COMMD6: variants seen among roughly 807,000 people sequenced by gnomAD.
COMMD6 encodes COMM domain containing 6.
COMMD6 carries 11 observed loss-of-function variants against 13.4 expected under a neutral mutation model. That is an observed-to-expected ratio of 0.82 (90% CI 0.52 to 1.36). The LOEUF (loss-of-function observed/expected upper bound fraction) is 1.36. Among genes scored for constraint, COMMD6 ranks in the 40% most tolerant of loss-of-function variants. The pLI is 0.00. For synonymous variants in COMMD6, 43 were observed against 36.5 expected (o/e 1.18, Z -0.64); for missense variants, 124 against 102.4 (o/e 1.21, Z -0.91).
intron 2 of COMMD6, among the ~76,000 whole-genome samples, chr13:75,535,284 G>A (rs2030625968): frequency 6.6e-6 from 1 of 152,230 alleles, no homozygotes; most frequent in Non-Finnish European, 1.5e-5. Context: ...GAAGGGCCCT[G>A]TAGGCCACAG....
At chr13:75,527,795 T>TA (rs1458497340) in intron 3 of COMMD6, 1 of 1,478,162 alleles carries the variant, frequency 6.8e-7, no homozygotes, top group Admixed American at 2.2e-5. Flanking sequence ...ATGTGGAATC[T>TA]AAAAAAGTCA....
At chr13:75,543,236 T>A (rs746268392), upstream of COMMD6, among the ~76,000 whole-genome samples, 9 of 152,196 alleles carry the variant, frequency 5.9e-5, no homozygotes, top group Non-Finnish European at 1.2e-4. Context: ...CTATGCTCAT[T>A]ACCTGGGTGT....
intron 1 of COMMD6, among the ~76,000 whole-genome samples, chr13:75,548,328 T>G (rs543804731): frequency 6.6e-6 from 1 of 152,290 alleles, no homozygotes; most frequent in South Asian, 2.1e-4. Flanking sequence ...GGAGTTAAGG[T>G]AATGAAATAC....
At chr13:75,540,360 A>ACC (rs1255366681), upstream of COMMD6, among the ~76,000 whole-genome samples, 1 of 151,712 alleles carries the variant, frequency 6.6e-6, no homozygotes, top group African/African-American at 2.4e-5. Flanking sequence ...ACACACACAC[A>ACC]CACACACACA....
chr13:75,527,865 G>A (rs2030318037), intron 3 of COMMD6: 2 of 1,499,280 alleles, frequency 1.3e-6, no homozygotes, highest in Non-Finnish European at 1.8e-6. Context: ...GGGGTCAATG[G>A]GGAAATGTTA....
chr13:75,538,537 A>T (rs893227295), upstream of COMMD6, among the ~76,000 whole-genome samples: 2 of 152,194 alleles, frequency 1.3e-5, no homozygotes, highest in African/African-American at 4.8e-5. Flanking sequence ...CGCATTGTAC[A>T]TATTTGCTTT....
At chr13:75,537,616 G>T in intron 2 of COMMD6, 48 bp downstream of exon 2, 1 of 1,613,244 alleles carries the variant, frequency 6.2e-7, no homozygotes, top group Non-Finnish European at 8.5e-7. Flanking sequence ...CCTCGCGGCC[G>T]TGGGAGGCAG....
chr13:75,538,102 C>T (rs2030748087), upstream of COMMD6, among the ~76,000 whole-genome samples: 1 of 152,244 alleles, frequency 6.6e-6, no homozygotes. Flanking sequence ...GACACGTGGG[C>T]TCTTCCAGAC....
chr13:75,547,986 AT>A (rs2030935678), intron 1 of COMMD6, among the ~76,000 whole-genome samples: 1 of 152,222 alleles, frequency 6.6e-6, no homozygotes, highest in Non-Finnish European at 1.5e-5. Flanking sequence ...CCCTGCTGGG[AT>A]GCAAACTGTC....
Position 75,530,238 on chromosome 13 carries a change from A to G in COMMD6, c.83T>C (p.Met28Thr). The change falls in exon 3 of 4, where the codon ATG becomes ACG. Residue 28 changes from methionine to threonine, a missense_variant. By Grantham distance (81) the Met-to-Thr change is moderately conservative (BLOSUM62 -1). Transcript: ENST00000682242. ...QLVDFQWKLG[M>T]AVSSDTCRSL... ...TCTGCAAGTGTCTGAGCTCACAGCC[A>G]TACCCAGTTTCCACTGAAAATCTAC... 6.2e-7 allele frequency: 1 copy of G among 1,612,540 alleles called. No individual in the cohort carries two copies. The highest frequency in any genetic ancestry group is 1.1e-5 in the South Asian group (1 of 90,592).
intron 2 of COMMD6, 111 bp from the exon 3 acceptor site, chr13:75,530,377 T>C: frequency 1.4e-6 from 1 of 725,280 alleles, no homozygotes; most frequent in Non-Finnish European, 2.2e-6. Context: ...ACGCTGGTCA[T>C]ATTTACATAA....
chr13:75,526,379 A>C lies in COMMD6; in HGVS notation c.*210T>G, dbSNP rs1457170761. 3 of 479,006 alleles carry C rather than the reference A, an allele frequency of 6.3e-6. No homozygotes were observed. Among genetic ancestry groups the C allele is most frequent in the Non-Finnish European group, 1.1e-5 (3 of 269,540 alleles). 29.7% of individuals were successfully genotyped at this position (479,006 alleles called of 1,614,324 possible). A position where few individuals can be genotyped will look rare whatever the true frequency, so the allele number is the denominator to read the frequency against. On this transcript the variant is annotated 3_prime_UTR_variant, in exon 4 of 4. Coordinates refer to ENST00000682242, the MANE Select transcript of COMMD6 (RefSeq NM_203495.4). ...ACCAAGTATATCCTCTAAAGTGTCT[A>C]ATTATCACTTTTATAAAGCACATTC...
Position 75,526,526 on chromosome 13 carries a change from G to A in COMMD6, c.*63C>T, listed in dbSNP as rs1593951990. ...AAATGTTCCATCCTTATTTAGTTTT[G>A]TTGCCGAAAGTGAAGTCCATGACTT... On this transcript the variant is annotated 3_prime_UTR_variant, in exon 4 of 4. Transcript: ENST00000682242. The A allele has an allele frequency of 1.8e-6, 2 of 1,097,234 alleles. No individual in the cohort carries two copies. Among genetic ancestry groups the A allele is most frequent in the East Asian group, 2.5e-5 (1 of 39,234 alleles). 68.0% of individuals were successfully genotyped at this position (1,097,234 alleles called of 1,614,324 possible).
upstream of COMMD6, among the ~76,000 whole-genome samples, chr13:75,542,290 C>CTTTTTTTTTTTTTTTTTTTTTCT (rs59815923): frequency 7.2e-6 from 1 of 138,114 alleles, no homozygotes; most frequent in African/African-American, 2.6e-5. Context: ...TCTTTCTTTC[C>CTTTTTTTTTTTTTTTTTTTTTCT]TTTTTTTTTT....
In COMMD6 at chr13:75,537,794, G is replaced by C; in HGVS notation, c.12C>G (p.Ser4=). ...ACTTAGCATCCAGCGGCGGCTCGCT[G>C]GACGCCTCCATGGGCAGCGTCTGGG... MEA[S]SEPPLDAKSD... Residue 4 remains serine, a synonymous_variant, in exon 1 of 4, where the codon TCC becomes TCG. Coordinates refer to ENST00000682242, the MANE Select transcript of COMMD6 (RefSeq NM_203495.4). 6.2e-7 allele frequency: 1 copy of C among 1,610,140 alleles called. No individual in the cohort carries two copies. The highest frequency in any genetic ancestry group is 2.2e-5 in the East Asian group (1 of 44,774).
intron 2 of COMMD6, among the ~76,000 whole-genome samples, chr13:75,535,162 G>A (rs1196354227): frequency 6.6e-6 from 1 of 151,982 alleles, no homozygotes; most frequent in Non-Finnish European, 1.5e-5. Context: ...GGAGAAAAGA[G>A]CATTCTGGAC....
upstream of COMMD6, chr13:75,538,003 T>C (rs2030745847): frequency 4.2e-6 from 2 of 479,744 alleles, no homozygotes; most frequent in Non-Finnish European, 3.6e-6. Context: ...AAGAAAATTA[T>C]TTTATGGAAA....
At chr13:75,527,867 GA>G in intron 3 of COMMD6, 1 of 1,499,974 alleles carries the variant, frequency 6.7e-7, no homozygotes. Flanking sequence ...GGTCAATGGG[GA>G]AATGTTAGTA....
intron 3 of COMMD6, 116 bp downstream of exon 3, chr13:75,529,998 C>T: frequency 2.7e-6 from 2 of 751,646 alleles, no homozygotes; most frequent in Non-Finnish European, 4.4e-6. Flanking sequence ...AAACGTAAAG[C>T]ATATCAATCT....
Sources: allele counts gnomAD v4.1 joint callset (sites outside exome capture counted in the v4.1 genomes callset), GRCh38; gene constraint gnomAD v4.1.1; transcripts MANE v1.5; gene names NCBI Gene and HGNC (gene_info 2026-07-23, HGNC 2026-07-21).